DGKB: variants seen among roughly 807,000 people sequenced by gnomAD.
DGKB encodes the protein diacylglycerol kinase beta, also known as 90 kDa diacylglycerol kinase.
In DGKB, 67 loss-of-function variants were observed where a neutral mutation model predicts 114.3. The ratio of observed to expected loss-of-function variants is 0.59; its 90% CI spans 0.48 to 0.72. The LOEUF (loss-of-function observed/expected upper bound fraction) is 0.72, where lower values mean the gene tolerates loss of function less well. DGKB is among the 30% of genes least tolerant of loss of function. DGKB has a pLI of 0.00. For synonymous variants in DGKB, 398 were observed against 323.1 expected (o/e 1.23, Z -2.49); for missense variants, 907 against 975.2 (o/e 0.93, Z 0.93).
At chr7:14,619,362 A>C (rs1807179897) in intron 15 of DGKB, among the ~76,000 whole-genome samples, 1 of 151,690 alleles carries the variant, frequency 6.6e-6, no homozygotes, top group African/African-American at 2.4e-5. Flanking sequence ...AGCTGTAATA[A>C]GGTCGAATAT....
At chr7:14,468,315 T>C (rs145569388) in intron 21 of DGKB, among the ~76,000 whole-genome samples, 1 of 152,192 alleles carries the variant, frequency 6.6e-6, no homozygotes, top group African/African-American at 2.4e-5. Context: ...GGGTCTCTTC[T>C]GTCTCCAGCA....
intron 20 of DGKB, among the ~76,000 whole-genome samples, chr7:14,564,719 C>T (rs1797142494): frequency 1.3e-5 from 2 of 152,096 alleles, no homozygotes; most frequent in South Asian, 4.1e-4. Context: ...GACTTCTTAG[C>T]AGCTTTCTAT....
chr7:14,528,560 G>A (rs1284547404), intron 20 of DGKB, among the ~76,000 whole-genome samples: 1 of 151,968 alleles, frequency 6.6e-6, no homozygotes, highest in East Asian at 1.9e-4. Context: ...ACTTGCAGCA[G>A]AATTATGAAG....
chr7:14,719,786 C>A (rs1003008420), intron 5 of DGKB, among the ~76,000 whole-genome samples: 7 of 152,156 alleles, frequency 4.6e-5, no homozygotes, highest in Non-Finnish European at 7.3e-5. Context: ...TTAGTTTTAT[C>A]ATTGGTGATG....
At chr7:14,566,960 C>T (rs566654424) in intron 20 of DGKB, among the ~76,000 whole-genome samples, 1 of 149,274 alleles carries the variant, frequency 6.7e-6, no homozygotes, top group African/African-American at 2.5e-5. Flanking sequence ...TCTTTCACAG[C>T]ATTTATCATA....
Position 14,580,856 on chromosome 7 carries a change from C to G in DGKB, c.1609+6G>C, listed in dbSNP as rs1483599662. ...GTTTCTGCTTTTGTTGTTGCAGCTG[C>G]TTTACCTCCTCCCCATCGCAGGCAT... On this transcript the variant is annotated splice_donor_region_variant and intron_variant, in intron 19 of 25. Coordinates refer to ENST00000402815, the MANE Select transcript of DGKB (RefSeq NM_001350709.2). 1.3e-6 allele frequency: 2 copies of G among 1,597,372 alleles called. No homozygotes were observed. The highest frequency in any genetic ancestry group is 3.4e-5 in the Admixed American group (2 of 59,204).
At chr7:14,482,603 G>C (rs1198225389) in intron 20 of DGKB, among the ~76,000 whole-genome samples, 2 of 152,012 alleles carry the variant, frequency 1.3e-5, no homozygotes, top group Non-Finnish European at 2.9e-5. Context: ...GAGCAGCTTA[G>C]TTCAGGTTAT....
chr7:14,291,199 T>C (rs1296103559), intron 23 of DGKB, among the ~76,000 whole-genome samples: 1 of 148,216 alleles, frequency 6.7e-6, no homozygotes, highest in East Asian at 2.0e-4. Context: ...GGATGAGCTA[T>C]GACGTAAGTA....
At chr7:14,530,383 A>G (rs1334368229) in intron 20 of DGKB, among the ~76,000 whole-genome samples, 1 of 151,548 alleles carries the variant, frequency 6.6e-6, no homozygotes, top group Non-Finnish European at 1.5e-5. Context: ...AACTCATCTC[A>G]AATTGCCTTC....
intron 20 of DGKB, among the ~76,000 whole-genome samples, chr7:14,558,493 A>G (rs1334713236): frequency 6.7e-6 from 1 of 149,956 alleles, no homozygotes; most frequent in Non-Finnish European, 1.5e-5. Context: ...CGTACTTGTA[A>G]TATGACTGAA....
chr7:14,630,767 ATAAT>A (rs1367867602), intron 13 of DGKB, among the ~76,000 whole-genome samples: 10 of 152,070 alleles, frequency 6.6e-5, no homozygotes, highest in Admixed American at 5.2e-4. Context: ...AATAAAAACT[ATAAT>A]TAAATAAGTA....
At chr7:14,864,974 G>C (rs1851499334) in intron 1 of DGKB, among the ~76,000 whole-genome samples, 1 of 152,108 alleles carries the variant, frequency 6.6e-6, no homozygotes. Flanking sequence ...AGAATGCCTT[G>C]CATGGGTACT....
At chr7:14,658,295 A>G (rs1816275256) in intron 13 of DGKB, among the ~76,000 whole-genome samples, 1 of 151,934 alleles carries the variant, frequency 6.6e-6, no homozygotes, top group African/African-American at 2.4e-5. Flanking sequence ...GGTCAATATG[A>G]TAGGTGAAAT....
intron 13 of DGKB, among the ~76,000 whole-genome samples, chr7:14,648,370 C>A (rs921574447): frequency 6.6e-6 from 1 of 152,190 alleles, no homozygotes; most frequent in African/African-American, 2.4e-5. Context: ...GGGAGGCACC[C>A]CCCAGCAGGG....
intron 13 of DGKB, among the ~76,000 whole-genome samples, chr7:14,672,454 A>T (rs574156119): frequency 1.5e-3 from 226 of 150,844 alleles, no homozygotes; most frequent in Admixed American, 4.1e-3. Context: ...GTTCAATAAA[A>T]TTTTTTTTTT....
Position 14,764,383 on chromosome 7 carries a change from A to C in DGKB, c.71-6652T>G, listed in dbSNP as rs548228811. ...CATTCAGTCCAATGTTACATTTCATAAAGTTTCCCTTAGCTACATAGTACT... is the reference window on the plus strand; with the variant it reads ...CATTCAGTCCAATGTTACATTTCATCAAGTTTCCCTTAGCTACATAGTACT... On this transcript the variant is annotated intron_variant, in intron 2 of 25. Coordinates refer to ENST00000402815, the MANE Select transcript of DGKB (RefSeq NM_001350709.2). Among the ~76,000 whole-genome samples, 16 of 152,074 alleles carry C rather than the reference A, an allele frequency of 1.1e-4. No homozygotes were observed. The East Asian group carries it at 2.5e-3, about 24-fold the overall frequency.
intron 21 of DGKB, among the ~76,000 whole-genome samples, chr7:14,466,859 G>A (rs1780556334): frequency 6.6e-6 from 1 of 152,058 alleles, no homozygotes; most frequent in Non-Finnish European, 1.5e-5. Context: ...CGTTTATATA[G>A]AGAGGCTAGA....
In DGKB at chr7:14,853,005, C is replaced by T. The variant is rs543052790; in HGVS notation, c.-187-11555G>A. Among the ~76,000 whole-genome samples the T allele has an allele frequency of 1.5e-4, 23 of 152,184 alleles. No individual in the cohort carries two copies. In the East Asian group the frequency reaches 4.3e-3, roughly 28 times the overall value. On this transcript the variant is annotated intron_variant, in intron 1 of 25. Coordinates refer to ENST00000402815, the MANE Select transcript of DGKB (RefSeq NM_001350709.2). ...AATTAAAAAATTATAAATTCAGTAA[C>T]GAGCACTTCCTGGAAACTGATGATT...
At chr7:14,631,940 C>T (rs897821384) in intron 13 of DGKB, among the ~76,000 whole-genome samples, 2 of 151,926 alleles carry the variant, frequency 1.3e-5, no homozygotes. Flanking sequence ...CAGAGACTCT[C>T]AAGCAACCAA....
Sources: allele counts gnomAD v4.1 joint callset (sites outside exome capture counted in the v4.1 genomes callset), GRCh38; gene constraint gnomAD v4.1.1; transcripts MANE v1.5; gene names NCBI Gene and HGNC (gene_info 2026-07-23, HGNC 2026-07-21).